The following AGMO variants were observed in gnomAD, a reference collection of about 807,000 sequenced individuals.
AGMO encodes alkylglycerol monooxygenase.
In AGMO, 75 loss-of-function variants were observed where a neutral mutation model predicts 60.2. The ratio of observed to expected loss-of-function variants is 1.25; its 90% CI spans 1.03 to 1.51. The LOEUF (loss-of-function observed/expected upper bound fraction) is 1.51, where lower values mean the gene tolerates loss of function less well. AGMO is among the 40% of genes most tolerant of loss of function. The probability of loss-of-function intolerance (pLI) is 0.00; values close to 1 mark genes in which losing one functional copy is unlikely to be tolerated. For missense variants in AGMO, 763 were observed against 525.5 expected, an observed-to-expected ratio of 1.45 and a Z score of -4.42; for synonymous variants, 261 against 177.1, an observed-to-expected ratio of 1.47 and a Z score of -3.76.
At chr7:15,152,341 G>A in the AGMO span, among the ~76,000 whole-genome samples, 8,184 of 152,058 alleles carry the variant, frequency 0.054, 658 homozygotes, top group African/African-American at 0.18. Context: ...AATGGTAAAA[G>A]GTTTTTTGAA....
At chr7:15,164,403 A>T in the AGMO span, among the ~76,000 whole-genome samples, 1 of 152,190 alleles carries the variant, frequency 6.6e-6, no homozygotes, top group African/African-American at 2.4e-5. Flanking sequence ...GGACTTAATT[A>T]AACTAAAGAG....
intron 3 of AGMO, among the ~76,000 whole-genome samples, chr7:15,483,715 T>A (rs943583946): frequency 6.6e-6 from 1 of 152,344 alleles, no homozygotes; most frequent in Non-Finnish European, 1.5e-5. Flanking sequence ...TACCATATTC[T>A]AGATTGGAAA....
intron 12 of AGMO, among the ~76,000 whole-genome samples, chr7:15,330,754 G>C (rs888017812): frequency 2.6e-5 from 4 of 151,876 alleles, no homozygotes; most frequent in African/African-American, 9.7e-5. Flanking sequence ...TGCAGGTCTG[G>C]GCTTGCTAGT....
the AGMO span, among the ~76,000 whole-genome samples, chr7:15,123,895 A>G: frequency 2.0e-5 from 3 of 152,120 alleles, no homozygotes; most frequent in African/African-American, 7.2e-5. Flanking sequence ...AAGTGAGCGT[A>G]CGCTTTGCTG....
chr7:15,338,178 A>G (rs1440318501), intron 12 of AGMO, among the ~76,000 whole-genome samples: 1 of 152,188 alleles, frequency 6.6e-6, no homozygotes, highest in Non-Finnish European at 1.5e-5. Context: ...GTAAGGTGGA[A>G]TTCAGATAAA....
At chr7:15,352,970 A>G (rs1434771896) in intron 12 of AGMO, among the ~76,000 whole-genome samples, 1 of 152,080 alleles carries the variant, frequency 6.6e-6, no homozygotes, top group African/African-American at 2.4e-5. Context: ...TTGTTACTGC[A>G]TGGGGAGTGT....
chr7:15,138,261 T>C, the AGMO span, among the ~76,000 whole-genome samples: 1 of 152,192 alleles, frequency 6.6e-6, no homozygotes, highest in Admixed American at 6.5e-5. Context: ...TTTATTCTCT[T>C]ATGTTCAGAA....
intron 6 of AGMO, 65 bp from the exon 7 acceptor site, chr7:15,390,970 T>C (rs1784115408): frequency 2.0e-6 from 2 of 976,860 alleles, no homozygotes; most frequent in Non-Finnish European, 3.0e-6. Context: ...GATACTTCCA[T>C]CTTGTTTTTT....
At chr7:15,459,401 T>C (rs1475387460) in intron 3 of AGMO, among the ~76,000 whole-genome samples, 2 of 152,136 alleles carry the variant, frequency 1.3e-5, no homozygotes, top group Non-Finnish European at 2.9e-5. Context: ...GATGGCCTTT[T>C]TGCAAGGCCT....
chr7:15,248,750 G>A (rs1316012083), intron 12 of AGMO, among the ~76,000 whole-genome samples: 1 of 152,224 alleles, frequency 6.6e-6, no homozygotes, highest in African/African-American at 2.4e-5. Flanking sequence ...GAATGGGCAT[G>A]TAGATGCCAT....
At chr7:15,177,882 A>T in the AGMO span, among the ~76,000 whole-genome samples, 3 of 152,078 alleles carry the variant, frequency 2.0e-5, no homozygotes, top group Admixed American at 6.6e-5. Flanking sequence ...ACATAATGAT[A>T]TTGCTTTCTT....
intron 12 of AGMO, among the ~76,000 whole-genome samples, chr7:15,252,874 A>G (rs1782979890): frequency 6.6e-6 from 1 of 152,202 alleles, no homozygotes; most frequent in Non-Finnish European, 1.5e-5. Flanking sequence ...AGAAAAGACA[A>G]GAGATCATGA....
intron 3 of AGMO, among the ~76,000 whole-genome samples, chr7:15,542,768 C>A (rs529039309): frequency 6.6e-6 from 1 of 152,044 alleles, no homozygotes; most frequent in Non-Finnish European, 1.5e-5. Flanking sequence ...TTTGGAGTAG[C>A]CTTTGCATTT....
At chr7:15,264,122 A>T (rs2128510622) in intron 12 of AGMO, among the ~76,000 whole-genome samples, 3 of 152,050 alleles carry the variant, frequency 2.0e-5, no homozygotes, top group African/African-American at 7.2e-5. Context: ...AGAAGAAAGC[A>T]AAAAATATTT....
Position 15,370,647 on chromosome 7 carries a change from T to C in AGMO, c.1075-4425A>G, listed in dbSNP as rs1038911692. On this transcript the variant is annotated intron_variant, in intron 10 of 12. Coordinates refer to ENST00000342526, the MANE Select transcript of AGMO (RefSeq NM_001004320.2). ...TGCATTTCTCTAATGATTAGTGACG[T>C]TGATAATTTTTTCATGTTTGTTGGA... is the stretch of plus-strand genomic sequence containing the variant. 5.9e-5 allele frequency among the ~76,000 whole-genome samples: 9 copies of C among 152,270 alleles called. No individual in the cohort carries two copies. In the South Asian group the frequency reaches 6.2e-4, roughly 11 times the overall value.
chr7:15,250,955 A>AT (rs1265567775), intron 12 of AGMO, among the ~76,000 whole-genome samples: 3,927 of 151,242 alleles, frequency 0.026, 118 homozygotes, highest in African/African-American at 0.082. Flanking sequence ...CAAAAAAAAA[A>AT]ATATATATAT....
At chr7:15,513,298 C>CATTCCTG (rs3076845) in intron 3 of AGMO, among the ~76,000 whole-genome samples, 124,189 of 151,780 alleles carry the variant, frequency 0.82, 51,039 homozygotes, top group East Asian at 0.97. Context: ...AACTTTAAAC[C>CATTCCTG]ACAAAATGTT....
intron 6 of AGMO, among the ~76,000 whole-genome samples, chr7:15,393,726 C>T (rs1411382677): frequency 6.6e-6 from 1 of 152,166 alleles, no homozygotes. Flanking sequence ...AAACAGTTTT[C>T]AAGACCACTA....
At chr7:15,282,756 T>C (rs559702263) in intron 12 of AGMO, among the ~76,000 whole-genome samples, 8 of 152,190 alleles carry the variant, frequency 5.3e-5, no homozygotes, top group Middle Eastern at 6.8e-3. Flanking sequence ...AGGAGAGTCA[T>C]TGCAAAAAGG....
Sources: allele counts gnomAD v4.1 joint callset (sites outside exome capture counted in the v4.1 genomes callset), GRCh38; gene constraint gnomAD v4.1.1; transcripts MANE v1.5; gene names NCBI Gene and HGNC (gene_info 2026-07-23, HGNC 2026-07-21).